The following PCDHA9 variants were observed in gnomAD, a reference collection of about 807,000 sequenced individuals.
PCDHA9 encodes the protein protocadherin alpha-9.
A neutral mutation model predicts 62.0 loss-of-function variants in PCDHA9; 62 were observed. That is an observed-to-expected ratio of 1.00 (90% CI 0.81 to 1.23). The LOEUF is 1.23. Among genes scored for constraint, PCDHA9 ranks in the 50% most tolerant of loss-of-function variants. The pLI is 0.00. For synonymous variants in PCDHA9, 557 were observed against 567.6 expected (o/e 0.98, Z 0.27); for missense variants, 1,205 against 1,249.8 (o/e 0.96, Z 0.54).
chr5:140,912,380 G>T (rs2075901164), intron 1 of PCDHA9, among the ~76,000 whole-genome samples: 1 of 150,372 alleles, frequency 6.7e-6, no homozygotes, highest in African/African-American at 2.4e-5. Flanking sequence ...AAAAGGGATT[G>T]AGTTCTTAAT....
At position 140,869,042 on chromosome 5, in the gene PCDHA9, A is replaced by G. The variant is rs74567119; in HGVS notation, c.2394+18153A>G. On this transcript the variant is annotated intron_variant, in intron 1 of 3. Transcript: ENST00000532602. The stretch of plus-strand genomic sequence containing the variant: ...GAATTCAACGAGATTTTTAACCTGA[A>G]ACTGAAGAATCTGGTACTGTAAGTG... The G allele has an allele frequency of 9.2e-4, 1,413 of 1,529,994 alleles. 13 individuals are homozygous for G. The African/African-American group carries it at 0.016, about 18-fold the overall frequency. The allele number at this position is 1,529,994 out of a possible 1,614,324, so 94.8% of individuals were successfully genotyped here.
At chr5:140,901,909 C>T (rs2068974930) in intron 1 of PCDHA9, among the ~76,000 whole-genome samples, 1 of 151,454 alleles carries the variant, frequency 6.6e-6, no homozygotes, top group African/African-American at 2.4e-5. Context: ...TTGTGGAGAT[C>T]TTTCACTTCT....
chr5:140,960,848 A>G (rs2095575135), intron 1 of PCDHA9, among the ~76,000 whole-genome samples: 1 of 152,212 alleles, frequency 6.6e-6, no homozygotes, highest in Non-Finnish European at 1.5e-5. Context: ...GTTTAATGGC[A>G]ACTATAAGCC....
chr5:140,865,517 T>C (rs1562593227), intron 1 of PCDHA9: 1 of 152,232 alleles, frequency 6.6e-6, no homozygotes, highest in African/African-American at 2.4e-5. Context: ...TTTATGGTGC[T>C]GGAATTCTCT....
chr5:141,004,094 G>A (rs962663466), intron 3 of PCDHA9, among the ~76,000 whole-genome samples: 1 of 152,194 alleles, frequency 6.6e-6, no homozygotes, highest in Non-Finnish European at 1.5e-5. Context: ...TGCTTCTTCC[G>A]TTTTCATCTT....
In PCDHA9 at chr5:140,849,149, C is replaced by T. The variant is rs1423345877; in HGVS notation, c.654C>T (p.Gly218=). The part of the protein sequence containing the change: ...LHLLLTATDG[G]KPELTGTVQL... ...TATTGCTCACGGCCACCGATGGAGGCAAACCCGAGCTGACTGGCACCGTTC... is the reference window on the plus strand; with the variant it reads ...TATTGCTCACGGCCACCGATGGAGGTAAACCCGAGCTGACTGGCACCGTTC... The change falls in exon 1 of 4, where the codon GGC becomes GGT. Residue 218 remains glycine, a synonymous_variant. Coordinates refer to ENST00000532602, the MANE Select transcript of PCDHA9 (RefSeq NM_031857.2). 1 of 1,253,130 alleles carries T rather than the reference C, an allele frequency of 8.0e-7. No homozygotes were observed. The highest frequency in any genetic ancestry group is 1.8e-5 in the African/African-American group (1 of 55,892). 77.6% of individuals were successfully genotyped at this position (1,253,130 alleles called of 1,614,324 possible).
intron 3 of PCDHA9, among the ~76,000 whole-genome samples, chr5:140,995,648 G>A (rs548703031): frequency 1.3e-5 from 2 of 152,248 alleles, no homozygotes; most frequent in South Asian, 2.1e-4. Flanking sequence ...TAGAAAAGGA[G>A]AATCGAAAAG....
chr5:140,857,694 C>A (rs1554150531), intron 1 of PCDHA9: 1 of 1,597,142 alleles, frequency 6.3e-7, no homozygotes. Flanking sequence ...AGCAACTTGA[C>A]GCTGCAGGTG....
chr5:140,967,498 T>G, intron 1 of PCDHA9: 2 of 1,613,108 alleles, frequency 1.2e-6, no homozygotes, highest in Non-Finnish European at 1.7e-6. Flanking sequence ...CACAGATCTC[T>G]GTGCGTGTCC....
chr5:140,926,726 C>T, intron 1 of PCDHA9: 1 of 1,046,502 alleles, frequency 9.6e-7, no homozygotes, highest in Non-Finnish European at 1.3e-6. Flanking sequence ...GCAATGCCGG[C>T]GTTCGGGAGG....
chr5:140,855,355 C>T (rs1489669614), intron 1 of PCDHA9, among the ~76,000 whole-genome samples: 3 of 149,796 alleles, frequency 2.0e-5, no homozygotes, highest in African/African-American at 7.3e-5. Context: ...AGTCATGTGG[C>T]TAGTGAGTAG....
rs149739125 is a variant in PCDHA9, at chr5:140,954,248, C to T, written c.2395-24701C>T. 1.2e-3 allele frequency among the ~76,000 whole-genome samples: 179 copies of T among 152,316 alleles called. 1 individual carries two copies. The highest frequency in any genetic ancestry group is 4.0e-3 in the African/African-American group (166 of 41,572). ...TGAATAGTGCTGCAATGAACATACACATGCAGGTATCTTTATAATAGGATG... is the reference window on the plus strand; with the variant it reads ...TGAATAGTGCTGCAATGAACATACATATGCAGGTATCTTTATAATAGGATG... On this transcript the variant is annotated intron_variant, in intron 1 of 3. Coordinates refer to ENST00000532602, the MANE Select transcript of PCDHA9 (RefSeq NM_031857.2).
At chr5:140,900,575 C>A (rs994036757) in intron 1 of PCDHA9, among the ~76,000 whole-genome samples, 5 of 152,330 alleles carry the variant, frequency 3.3e-5, no homozygotes, top group African/African-American at 1.2e-4. Flanking sequence ...CGGCACCGGC[C>A]CATTTTCTTT....
At chr5:140,902,395 G>A (rs782771913) in intron 1 of PCDHA9, among the ~76,000 whole-genome samples, 2 of 151,802 alleles carry the variant, frequency 1.3e-5, no homozygotes, top group Non-Finnish European at 2.9e-5. Context: ...GTACTATGTT[G>A]AATACTATGT....
chr5:140,905,160 A>G (rs1554191931), intron 1 of PCDHA9, among the ~76,000 whole-genome samples: 2 of 152,304 alleles, frequency 1.3e-5, no homozygotes, highest in East Asian at 1.9e-4. Flanking sequence ...TAGAATTTTC[A>G]TGGTTTCAGG....
intron 1 of PCDHA9, among the ~76,000 whole-genome samples, chr5:140,964,434 G>A (rs1332567720): frequency 6.6e-6 from 1 of 152,104 alleles, no homozygotes; most frequent in Non-Finnish European, 1.5e-5. Context: ...AAATTACCAA[G>A]CCTCTGCCAC....
At chr5:140,986,081 A>AT (rs2097186605) in intron 3 of PCDHA9, among the ~76,000 whole-genome samples, 1 of 152,010 alleles carries the variant, frequency 6.6e-6, no homozygotes, top group South Asian at 2.1e-4. Context: ...CTGTTCATTT[A>AT]TTTTCACAGT....
intron 1 of PCDHA9, among the ~76,000 whole-genome samples, chr5:140,948,646 G>T (rs1030231985): frequency 6.6e-6 from 1 of 151,616 alleles, no homozygotes; most frequent in South Asian, 2.1e-4. Context: ...ATCTTTTAAC[G>T]TCTGTATAAT....
intron 1 of PCDHA9, chr5:140,877,883 A>T: frequency 1.4e-6 from 2 of 1,460,312 alleles, no homozygotes; most frequent in East Asian, 2.5e-5. Context: ...TCCTTGAAGA[A>T]CTTCCGTTTA....
Sources: gnomAD v4.1 joint callset for allele counts (sites outside exome capture counted in the v4.1 genomes callset) on GRCh38, gnomAD v4.1.1 for gene constraint, MANE v1.5 for transcripts, NCBI Gene and HGNC (gene_info 2026-07-23, HGNC 2026-07-21) for gene names.